GNAI1: variants seen among roughly 807,000 people sequenced by gnomAD.
The protein encoded by GNAI1 is guanine nucleotide-binding protein G(i) subunit alpha-1.
Under a neutral mutation model 38.9 loss-of-function variants are expected in GNAI1, and 11 were observed. The observed-to-expected ratio is 0.28, with a 90% CI of 0.18 to 0.47. The LOEUF is 0.47. GNAI1 is among the 20% of genes least tolerant of loss of function. The pLI is 0.99. For missense variants in GNAI1, 317 were observed against 436.9 expected (o/e 0.73, Z 2.45); for synonymous variants, 166 against 145.1 (o/e 1.14, Z -1.04).
intron 1 of GNAI1, among the ~76,000 whole-genome samples, chr7:80,179,971 T>G (rs1788261046): frequency 6.6e-6 from 1 of 152,222 alleles, no homozygotes; most frequent in Non-Finnish European, 1.5e-5. Flanking sequence ...ATCTGTATCT[T>G]CTTGTCTCTG....
In GNAI1 at chr7:80,156,058, A is replaced by G. The variant is rs529097356; in HGVS notation, c.118+20780A>G. On this transcript the variant is annotated intron_variant, in intron 1 of 7. Transcript: ENST00000649796. Reference sequence around the variant, plus strand: ...ACTCTGTCTCAAAAAAAAAAAAAAAAAAAAAGAAAGAAAGCAAGCTGATGT... The same window carrying G: ...ACTCTGTCTCAAAAAAAAAAAAAAAGAAAAAGAAAGAAAGCAAGCTGATGT... Among the ~76,000 whole-genome samples the G allele has an allele frequency of 5.4e-4, 82 of 151,584 alleles. No individual in the cohort carries two copies. The South Asian group carries it at 5.6e-3, about 10-fold the overall frequency.
At chr7:80,181,117 A>G (rs1194708343) in intron 1 of GNAI1, among the ~76,000 whole-genome samples, 1 of 152,026 alleles carries the variant, frequency 6.6e-6, no homozygotes, top group Non-Finnish European at 1.5e-5. Context: ...ATATATATAT[A>G]TTACATGTAT....
intron 7 of GNAI1, among the ~76,000 whole-genome samples, chr7:80,213,628 T>C (rs1384881210): frequency 6.6e-6 from 1 of 152,122 alleles, no homozygotes; most frequent in East Asian, 1.9e-4. Flanking sequence ...ACAGAGCTAA[T>C]TACTGCCCCC....
intron 1 of GNAI1, among the ~76,000 whole-genome samples, chr7:80,176,983 G>C (rs541015505): frequency 1.6e-4 from 24 of 145,996 alleles, no homozygotes; most frequent in Non-Finnish European, 3.3e-4. Context: ...CTGTGCCTGT[G>C]CTCTGTAAAT....
At chr7:80,186,408 G>C (rs1261126996) in intron 1 of GNAI1, among the ~76,000 whole-genome samples, 1 of 152,122 alleles carries the variant, frequency 6.6e-6, no homozygotes, top group Non-Finnish European at 1.5e-5. Flanking sequence ...TGCAAAGTAA[G>C]CTAAGCGTCC....
At chr7:80,184,582 C>T (rs1788358301) in intron 1 of GNAI1, among the ~76,000 whole-genome samples, 1 of 152,208 alleles carries the variant, frequency 6.6e-6, no homozygotes, top group Non-Finnish European at 1.5e-5. Flanking sequence ...AGCTCACTCA[C>T]CCATCTCTTC....
chr7:80,194,038 T>C (rs1788526774), intron 3 of GNAI1, among the ~76,000 whole-genome samples: 1 of 152,188 alleles, frequency 6.6e-6, no homozygotes, highest in Admixed American at 6.5e-5. Context: ...ATTAGTTAGT[T>C]TGTCTGTGTC....
chr7:80,149,015 T>A (rs946021131), intron 1 of GNAI1, among the ~76,000 whole-genome samples: 3 of 152,120 alleles, frequency 2.0e-5, no homozygotes, highest in African/African-American at 7.2e-5. Context: ...TCTTTTGTTC[T>A]AGTATTTACT....
intron 1 of GNAI1, chr7:80,187,587 G>GTT (rs1459059121): frequency 6.6e-6 from 1 of 152,232 alleles, no homozygotes; most frequent in East Asian, 1.9e-4. Flanking sequence ...TCCTGGAACT[G>GTT]TAAGTTGTTC....
chr7:80,164,106 G>A (rs1787972023), intron 1 of GNAI1, among the ~76,000 whole-genome samples: 1 of 145,308 alleles, frequency 6.9e-6, no homozygotes, highest in Admixed American at 7.0e-5. Flanking sequence ...GTGCAGTGGC[G>A]TGATCTTGGC....
chr7:80,137,587 T>A (rs1040118952), intron 1 of GNAI1, among the ~76,000 whole-genome samples: 2 of 152,236 alleles, frequency 1.3e-5, no homozygotes, highest in Non-Finnish European at 2.9e-5. Flanking sequence ...CCCGAAGTTC[T>A]GGGATTACAG....
At chr7:80,150,552 G>A (rs1293375610) in intron 1 of GNAI1, among the ~76,000 whole-genome samples, 1 of 152,162 alleles carries the variant, frequency 6.6e-6, no homozygotes, top group East Asian at 1.9e-4. Flanking sequence ...TGCAGGGAGA[G>A]GATAAACATC....
intron 1 of GNAI1, among the ~76,000 whole-genome samples, chr7:80,152,307 C>G (rs1034139469): frequency 9.9e-5 from 15 of 152,022 alleles, no homozygotes; most frequent in African/African-American, 3.6e-4. Context: ...GAGAAAGGGC[C>G]TGGTCAAAAG....
At chr7:80,202,264 A>G (rs1788701184) in intron 4 of GNAI1, among the ~76,000 whole-genome samples, 2 of 151,692 alleles carry the variant, frequency 1.3e-5, no homozygotes, top group South Asian at 4.2e-4. Flanking sequence ...TGATTTTTGC[A>G]TTTTTAGTAG....
rs1478696967 is a variant in GNAI1 at position 80,134,989 on chromosome 7, T to A, written c.-172T>A. Reference sequence around the variant, plus strand: ...TGAGGAACAGCCGCCCGTTGCTGTCTGCCCCTTTGCGGACAGCGTCTCCCT... The same window carrying A: ...TGAGGAACAGCCGCCCGTTGCTGTCAGCCCCTTTGCGGACAGCGTCTCCCT... On this transcript the variant is annotated 5_prime_UTR_variant, in exon 1 of 8. Transcript: ENST00000649796. The A allele has an allele frequency of 7.2e-6, 3 of 415,784 alleles. No homozygotes were observed. Among genetic ancestry groups the A allele is most frequent in the African/African-American group, 6.2e-5 (3 of 48,670 alleles). The allele number at this position is 415,784 out of a possible 1,614,324, so 25.8% of individuals were successfully genotyped here.
intron 1 of GNAI1, among the ~76,000 whole-genome samples, chr7:80,156,657 C>T (rs950676685): frequency 2.6e-5 from 4 of 152,136 alleles, no homozygotes; most frequent in Non-Finnish European, 5.9e-5. Flanking sequence ...TGGTCTTAAA[C>T]TCCTGGCCTC....
At chr7:80,137,293 C>CTTTTTTTTTTTTT (rs377362596) in intron 1 of GNAI1, among the ~76,000 whole-genome samples, 8 of 95,272 alleles carry the variant, frequency 8.4e-5, no homozygotes, top group South Asian at 3.9e-4. Context: ...TTTCTTTTTT[C>CTTTTTTTTTTTTT]TTTTTTTTTT....
intron 4 of GNAI1, among the ~76,000 whole-genome samples, chr7:80,202,942 C>A (rs1158623730): frequency 6.6e-6 from 1 of 152,166 alleles, no homozygotes; most frequent in Non-Finnish European, 1.5e-5. Flanking sequence ...TCTGTTTAGA[C>A]CCCTCGCTAT....
intron 3 of GNAI1, among the ~76,000 whole-genome samples, chr7:80,193,789 G>A (rs1313189020): frequency 6.6e-6 from 1 of 152,136 alleles, no homozygotes; most frequent in African/African-American, 2.4e-5. Context: ...TATATTTTGT[G>A]TGTCATTTAA....
Sources: gnomAD v4.1 joint callset for allele counts (sites outside exome capture counted in the v4.1 genomes callset) on GRCh38, gnomAD v4.1.1 for gene constraint, MANE v1.5 for transcripts, NCBI Gene and HGNC (gene_info 2026-07-23, HGNC 2026-07-21) for gene names.